SPAG17: variants seen among roughly 807,000 people sequenced by gnomAD.
SPAG17 encodes sperm-associated antigen 17.
Under a neutral mutation model 273.6 loss-of-function variants are expected in SPAG17, and 169 were observed. The observed-to-expected ratio is 0.62, with a 90% CI of 0.55 to 0.70. SPAG17 has a LOEUF of 0.70. Ranked by LOEUF, SPAG17 falls within the 30% of genes least tolerant of loss-of-function variation. The probability of loss-of-function intolerance (pLI) is 0.00; values close to 1 mark genes in which losing one functional copy is unlikely to be tolerated. For synonymous variants in SPAG17, 825 were observed against 873.2 expected (o/e 0.94, Z 0.97); for missense variants, 2,557 against 2,627.8 (o/e 0.97, Z 0.59).
intron 20 of SPAG17, among the ~76,000 whole-genome samples, chr1:118,051,316 T>C (rs1311925164): frequency 6.6e-6 from 1 of 152,118 alleles, no homozygotes; most frequent in East Asian, 1.9e-4. Flanking sequence ...CTACAGCCAC[T>C]ATTGAAAGCA....
intron 3 of SPAG17, among the ~76,000 whole-genome samples, chr1:118,139,598 T>C (rs541086149): frequency 6.6e-6 from 1 of 152,302 alleles, no homozygotes; most frequent in African/African-American, 2.4e-5. Context: ...TAAAGAAATA[T>C]GGTATATACA....
At position 118,079,594 on chromosome 1, in the gene SPAG17, T is replaced by C. The variant is rs146855238; in HGVS notation, c.2209+1507A>G. Among the ~76,000 whole-genome samples the C allele has an allele frequency of 2.3e-3, 349 of 152,182 alleles. 1 individual carries two copies. Among genetic ancestry groups the C allele is most frequent in the Middle Eastern group, 0.014 (4 of 284 alleles). On this transcript the variant is annotated intron_variant, in intron 15 of 48. Transcript: ENST00000336338. ...CTATTTCATTGACGTAATTTTCATC[T>C]ATGTTTTCTATTTCCTTGATTTAAT...
At chr1:118,080,989 A>C in intron 15 of SPAG17, 112 bp downstream of exon 15, 1 of 848,622 alleles carries the variant, frequency 1.2e-6, no homozygotes, top group East Asian at 2.5e-5. Flanking sequence ...AGTTTAATTA[A>C]CCAAATAACT....
chr1:118,029,297 T>C (rs1648150264), intron 25 of SPAG17, among the ~76,000 whole-genome samples: 1 of 152,182 alleles, frequency 6.6e-6, no homozygotes, highest in Non-Finnish European at 1.5e-5. Flanking sequence ...AATCTGCTAA[T>C]ATCTTGATAT....
chr1:118,115,521 G>C lies in SPAG17; in HGVS notation c.316-80C>G, dbSNP rs558336438. On this transcript the variant is annotated intron_variant, in intron 3 of 48. Transcript: ENST00000336338. ...TCTGTCAGTGATGAAAAGATGAAAG[G>C]AAATTTTATATTATTTGTCATACTG... The C allele has an allele frequency of 3.7e-6, 5 of 1,364,398 alleles. No individual in the cohort carries two copies. In the South Asian group the frequency reaches 7.5e-5, roughly 20 times the overall value. 84.5% of individuals were successfully genotyped at this position (1,364,398 alleles called of 1,614,324 possible).
chr1:118,145,991 T>C (rs1658965824), intron 3 of SPAG17, among the ~76,000 whole-genome samples: 1 of 152,164 alleles, frequency 6.6e-6, no homozygotes, highest in Admixed American at 6.6e-5. Context: ...GGATGAAGGC[T>C]CATTTCCTGG....
intron 1 of SPAG17, among the ~76,000 whole-genome samples, chr1:118,155,640 C>G (rs769706445): frequency 6.6e-6 from 1 of 152,154 alleles, no homozygotes; most frequent in African/African-American, 2.4e-5. Context: ...TAGTGGTCAG[C>G]GCCCTTATTA....
chr1:118,163,971 T>C (rs1477784363), intron 1 of SPAG17, among the ~76,000 whole-genome samples: 1 of 152,160 alleles, frequency 6.6e-6, no homozygotes, highest in East Asian at 1.9e-4. Context: ...GAATTGCCAT[T>C]TTGTGACCTT....
intron 32 of SPAG17, among the ~76,000 whole-genome samples, chr1:117,999,225 A>G (rs1658002959): frequency 6.6e-6 from 1 of 152,124 alleles, no homozygotes; most frequent in African/African-American, 2.4e-5. Context: ...AATCCAGTCT[A>G]TCATTGATGG....
intron 32 of SPAG17, among the ~76,000 whole-genome samples, chr1:118,004,638 C>T (rs1444212430): frequency 1.3e-5 from 2 of 152,242 alleles, no homozygotes; most frequent in African/African-American, 2.4e-5. Flanking sequence ...GAGAGAATCT[C>T]CTTATCTGTT....
chr1:117,983,735 T>C, intron 42 of SPAG17, 76 bp downstream of exon 42: 1 of 910,092 alleles, frequency 1.1e-6, no homozygotes, highest in Non-Finnish European at 1.7e-6. Flanking sequence ...TCACTGGTTA[T>C]GTCCTAAGAG....
chr1:117,981,115 A>G (rs1185513852), intron 43 of SPAG17, among the ~76,000 whole-genome samples, 155 bp downstream of exon 43: 2 of 152,236 alleles, frequency 1.3e-5, no homozygotes, highest in Admixed American at 1.3e-4. Flanking sequence ...TCGATGTGCT[A>G]AGAAGCCTTT....
intron 30 of SPAG17, among the ~76,000 whole-genome samples, chr1:118,008,498 A>G (rs1207458816): frequency 6.6e-6 from 1 of 152,220 alleles, no homozygotes; most frequent in African/African-American, 2.4e-5. Flanking sequence ...ATTGAAAAGC[A>G]TAAAATATAA....
At chr1:118,063,094 C>A (rs1049218990) in intron 18 of SPAG17, among the ~76,000 whole-genome samples, 6 of 152,126 alleles carry the variant, frequency 3.9e-5, no homozygotes, top group South Asian at 2.1e-4. Flanking sequence ...AGGATACAAA[C>A]AAATGGAAGA....
chr1:117,990,590 A>G (rs1315117111), intron 38 of SPAG17, among the ~76,000 whole-genome samples: 1 of 152,218 alleles, frequency 6.6e-6, no homozygotes, highest in African/African-American at 2.4e-5. Context: ...CTAACATAAA[A>G]GTCAAATGTC....
intron 32 of SPAG17, among the ~76,000 whole-genome samples, chr1:117,999,635 G>A (rs1365174412): frequency 6.6e-6 from 1 of 152,230 alleles, no homozygotes; most frequent in Non-Finnish European, 1.5e-5. Context: ...CTTTTGAGAA[G>A]TGTCTGTTCA....
chr1:117,985,550 T>C (rs548372815), intron 40 of SPAG17, among the ~76,000 whole-genome samples: 1 of 152,156 alleles, frequency 6.6e-6, no homozygotes, highest in South Asian at 2.1e-4. Flanking sequence ...GGAATCTGAA[T>C]TCCTGATGAT....
intron 4 of SPAG17, among the ~76,000 whole-genome samples, chr1:118,104,544 T>C (rs1656270980): frequency 6.6e-6 from 1 of 152,172 alleles, no homozygotes; most frequent in Non-Finnish European, 1.5e-5. Context: ...TGAATCACCA[T>C]GGGTGAAGTT....
intron 45 of SPAG17, among the ~76,000 whole-genome samples, chr1:117,970,537 A>C (rs1392804133): frequency 6.6e-6 from 1 of 152,148 alleles, no homozygotes; most frequent in East Asian, 1.9e-4. Flanking sequence ...CTGTCTTGGT[A>C]TGGGGTTTGC....
Sources: gnomAD v4.1 joint callset for allele counts (sites outside exome capture counted in the v4.1 genomes callset) on GRCh38, gnomAD v4.1.1 for gene constraint, MANE v1.5 for transcripts, NCBI Gene and HGNC (gene_info 2026-07-23, HGNC 2026-07-21) for gene names.